ADGRE3: variants seen among roughly 807,000 people sequenced by gnomAD.
ADGRE3 encodes EGF-like module receptor 3.
In ADGRE3, 88 loss-of-function variants were observed where a neutral mutation model predicts 80.1. That is an observed-to-expected ratio of 1.10 (90% confidence interval 0.93 to 1.31). The LOEUF (loss-of-function observed/expected upper bound fraction) is 1.31. Among genes scored for constraint, ADGRE3 ranks in the 40% most tolerant of loss-of-function variants. The pLI is 0.00. For missense variants in ADGRE3, 715 were observed against 776.5 expected, an observed-to-expected ratio of 0.92 and a Z score of 0.94; for synonymous variants, 281 against 294.8, an observed-to-expected ratio of 0.95 and a Z score of 0.48.
At chr19:14,624,219 C>T (rs563834165) in intron 15 of ADGRE3, among the ~76,000 whole-genome samples, 6 of 152,124 alleles carry the variant, frequency 3.9e-5, no homozygotes, top group South Asian at 2.1e-4. Flanking sequence ...TTCAGCCTCC[C>T]GAGTAGCTGG....
chr19:14,620,568 A>ATATTTTTTTTTT (rs1435435269), intron 15 of ADGRE3, among the ~76,000 whole-genome samples: 3 of 11,046 alleles, frequency 2.7e-4, no homozygotes, highest in Non-Finnish European at 4.4e-4. Context: ...ATATATATAT[A>ATATTTTTTTTTT]TTTTTTTTTT....
intron 11 of ADGRE3, among the ~76,000 whole-genome samples, chr19:14,637,897 A>C (rs1169236069): frequency 1.3e-5 from 2 of 149,576 alleles, no homozygotes; most frequent in African/African-American, 5.0e-5. Context: ...TGCAGTGGGC[A>C]TATGAACCTG....
At chr19:14,667,777 A>G (rs555407161) in intron 2 of ADGRE3, among the ~76,000 whole-genome samples, 52 of 152,352 alleles carry the variant, frequency 3.4e-4, no homozygotes, top group Middle Eastern at 3.4e-3. Flanking sequence ...ATGTATACCT[A>G]TGTAACAAAC....
intron 1 of ADGRE3, 146 bp downstream of exon 1, chr19:14,674,600 G>T: frequency 1.4e-6 from 1 of 705,768 alleles, no homozygotes; most frequent in Non-Finnish European, 2.3e-6. Flanking sequence ...GAATAGGGTA[G>T]TCAGGAAGGA....
intron 9 of ADGRE3, 121 bp from the exon 10 acceptor site, chr19:14,641,737 C>CTGCTAATGTAGAT (rs1391446289): frequency 1.7e-6 from 2 of 1,207,750 alleles, no homozygotes; most frequent in South Asian, 1.3e-5. Flanking sequence ...GACCGTTAGA[C>CTGCTAATGTAGAT]TGCTAATGTA....
At chr19:14,658,749 T>G (rs1208218244) in intron 4 of ADGRE3, among the ~76,000 whole-genome samples, 199 bp from the exon 5 acceptor site, 1 of 152,144 alleles carries the variant, frequency 6.6e-6, no homozygotes, top group Non-Finnish European at 1.5e-5. Flanking sequence ...TTTATTTTTA[T>G]TTTGAGACAG....
At chr19:14,649,478 CT>C (rs1249725157) in intron 7 of ADGRE3, among the ~76,000 whole-genome samples, 1 of 146,326 alleles carries the variant, frequency 6.8e-6, no homozygotes, top group African/African-American at 2.5e-5. Flanking sequence ...CCATCTCTCT[CT>C]TTTGATCTCT....
intron 2 of ADGRE3, among the ~76,000 whole-genome samples, chr19:14,665,899 AT>A (rs1972079935): frequency 7.7e-6 from 1 of 129,414 alleles, no homozygotes; most frequent in Admixed American, 8.5e-5. Context: ...TAAATTATAT[AT>A]TTATACACAT....
chr19:14,651,209 T>A lies in ADGRE3; in HGVS notation c.578-5A>T. ...TAATCGCTTGAGTTTCAATAGCTGG[T>A]AAGAAAAGCAATGGGCAGGCTTAGT... On this transcript the variant is annotated splice_polypyrimidine_tract_variant and splice_region_variant and intron_variant, in intron 6 of 15. Coordinates refer to ENST00000253673, the MANE Select transcript of ADGRE3 (RefSeq NM_032571.5). 1 of 1,614,060 alleles carries A rather than the reference T, an allele frequency of 6.2e-7. No homozygotes were observed. The highest frequency in any genetic ancestry group is 8.5e-7 in the Non-Finnish European group (1 of 1,179,938).
intron 9 of ADGRE3, 152 bp from the exon 10 acceptor site, chr19:14,641,768 A>G: frequency 1.1e-6 from 1 of 896,854 alleles, no homozygotes; most frequent in South Asian, 1.6e-5. Context: ...GTAGACTGCT[A>G]ATATACACTG....
chr19:14,621,597 G>T (rs1970610194), intron 15 of ADGRE3: 1 of 768,574 alleles, frequency 1.3e-6, no homozygotes, highest in Admixed American at 2.5e-5. Flanking sequence ...TTGCTACTTT[G>T]CATTCAGTGT....
At position 14,644,245 on chromosome 19, in the gene ADGRE3, C is replaced by A. The variant is rs776263932; in HGVS notation, c.913G>T (p.Val305Phe). The stretch of plus-strand genomic sequence containing the variant: ...CCCTGCCCTGTGCTCTTCCAGTAGA[C>A]ACAGAAGACCTTTTTGGTACTGGGG... ...MTPSTKKVFC[V>F]YWKSTGQGSQ... The change falls in exon 9 of 16, where the codon GTC (valine) becomes TTC (phenylalanine). Residue 305 changes from valine (V) to phenylalanine (F), a missense_variant. Val to Phe is a conservative substitution (Grantham distance 50, BLOSUM62 -1). Transcript: ENST00000253673. 6.3e-7 allele frequency: 1 copy of A among 1,574,980 alleles called. No homozygotes were observed. The highest frequency in any genetic ancestry group is 8.6e-7 in the Non-Finnish European group (1 of 1,162,798).
chr19:14,625,297 C>G (rs1046513086), intron 15 of ADGRE3, among the ~76,000 whole-genome samples, 195 bp downstream of exon 15: 1 of 152,136 alleles, frequency 6.6e-6, no homozygotes, highest in Admixed American at 6.5e-5. Context: ...GGCTTAATAC[C>G]TAGGTAATGG....
downstream of ADGRE3, among the ~76,000 whole-genome samples, chr19:14,615,647 A>G (rs2075071018): frequency 1.3e-5 from 2 of 151,456 alleles, no homozygotes; most frequent in Admixed American, 1.3e-4. Flanking sequence ...CTGTAATCCC[A>G]GCTACTCAGG....
intron 14 of ADGRE3, among the ~76,000 whole-genome samples, chr19:14,629,197 TA>T (rs1385910038): frequency 6.6e-6 from 1 of 152,218 alleles, no homozygotes; most frequent in Admixed American, 6.5e-5. Context: ...GTGCTGGGAT[TA>T]CAGGCGTGAG....
At chr19:14,615,036 C>T (rs1370829002), downstream of ADGRE3, among the ~76,000 whole-genome samples, 2 of 151,790 alleles carry the variant, frequency 1.3e-5, no homozygotes, top group Non-Finnish European at 2.9e-5. Context: ...TAGGTGTGTG[C>T]CACTACACCT....
chr19:14,668,741 T>C (rs749659961), intron 2 of ADGRE3, 61 bp downstream of exon 2: 1 of 1,456,604 alleles, frequency 6.9e-7, no homozygotes, highest in Admixed American at 1.7e-5. Flanking sequence ...CTGGAGACCA[T>C]GAGTGGCTCC....
intron 15 of ADGRE3, among the ~76,000 whole-genome samples, chr19:14,624,374 G>A (rs1255674544): frequency 1.3e-5 from 2 of 152,150 alleles, no homozygotes; most frequent in African/African-American, 2.4e-5. Context: ...GATTATAGGC[G>A]TGAGCCACTG....
the ADGRE3 span, among the ~76,000 whole-genome samples, chr19:14,609,106 T>G: frequency 6.6e-6 from 1 of 152,138 alleles, no homozygotes; most frequent in Non-Finnish European, 1.5e-5. Context: ...GGCGGAACAT[T>G]GGCTGCTAAA....
Sources: allele counts gnomAD v4.1 joint callset (sites outside exome capture counted in the v4.1 genomes callset), GRCh38; gene constraint gnomAD v4.1.1; transcripts MANE v1.5; gene names NCBI Gene and HGNC (gene_info 2026-07-23, HGNC 2026-07-21).